Variants in INCA1 observed in about 807,000 individuals in gnomAD.
INCA1 encodes the protein protein INCA1.
Under a neutral mutation model 25.7 loss-of-function variants are expected in INCA1, and 28 were observed. The observed-to-expected ratio is 1.09, with a 90% CI of 0.81 to 1.49. INCA1 has a LOEUF of 1.49. Ranked by LOEUF, INCA1 falls within the 40% of genes most tolerant of loss-of-function variation. The pLI, the probability that INCA1 is intolerant of heterozygous loss-of-function variation, is 0.00. For synonymous variants in INCA1, 111 were observed against 103.6 expected (o/e 1.07, Z -0.43); for missense variants, 309 against 290.9 (o/e 1.06, Z -0.45).
At chr17:4,988,465 T>G (rs753989682) in exon 7 of INCA1, 1 of 1,613,988 alleles carries the variant, frequency 6.2e-7, no homozygotes, top group Admixed American at 1.7e-5. Flanking sequence ...TCCTTCTGGC[T>G]GTGACAGTGC....
At chr17:4,989,803 G>C in intron 4 of INCA1, 87 bp downstream of exon 4, 1 of 1,594,718 alleles carries the variant, frequency 6.3e-7, no homozygotes, top group Non-Finnish European at 8.6e-7. Context: ...ATAACAGAGG[G>C]AAGCGGTAAT....
rs371767450 is a variant in INCA1, at chr17:4,994,387, G to A, written c.44+7C>T. The A allele has an allele frequency of 9.3e-6, 15 of 1,613,446 alleles. No individual in the cohort carries two copies. Among genetic ancestry groups the A allele is most frequent in the Non-Finnish European group, 1.3e-5 (15 of 1,179,674 alleles). ...CCCCATGCTCCCCACCCAGTGGGAG[G>A]ACTCACTTGGCAAAGGGGATGAGGT... On this transcript the variant is annotated splice_region_variant and intron_variant, in intron 2 of 6. Transcript: ENST00000576820.
chr17:4,992,543 C>G (rs1329880952), intron 2 of INCA1, among the ~76,000 whole-genome samples: 2 of 152,170 alleles, frequency 1.3e-5, no homozygotes, highest in African/African-American at 4.8e-5. Flanking sequence ...CTTGGCCTCC[C>G]AAAGTGCTGT....
chr17:4,994,072 C>T (rs186931423), intron 2 of INCA1, among the ~76,000 whole-genome samples: 35 of 152,144 alleles, frequency 2.3e-4, no homozygotes, highest in Admixed American at 2.2e-3. Context: ...ACACCTGGCC[C>T]ACTGTTTTAT....
intron 2 of INCA1, among the ~76,000 whole-genome samples, chr17:4,992,349 TATAG>T (rs1973929483): frequency 6.6e-6 from 1 of 151,172 alleles, no homozygotes; most frequent in Non-Finnish European, 1.5e-5. Context: ...GTGACCCAAT[TATAG>T]CTCACTGCAG....
At chr17:4,992,803 G>A (rs1973963851) in intron 2 of INCA1, among the ~76,000 whole-genome samples, 1 of 147,612 alleles carries the variant, frequency 6.8e-6, no homozygotes, top group Admixed American at 6.8e-5. Context: ...TCAAACTCTT[G>A]GGCTCAAGCA....
Position 4,990,275 on chromosome 17 carries a change from G to A in INCA1, c.45-10C>T. 1 of 1,609,672 alleles carries A rather than the reference G, an allele frequency of 6.2e-7. No homozygotes were observed. The highest frequency in any genetic ancestry group is 8.5e-7 in the Non-Finnish European group (1 of 1,177,736). On this transcript the variant is annotated splice_polypyrimidine_tract_variant and intron_variant, in intron 2 of 6. Transcript: ENST00000576820. ...GACCACCCTGGAACACCTGAGGTGA[G>A]GACAAGGTAGGCTCGGGTCTGGCTC...
intron 1 of INCA1, among the ~76,000 whole-genome samples, 161 bp from the exon 2 acceptor site, chr17:4,994,636 A>G (rs9897114): frequency 0.39 from 59,017 of 151,792 alleles, 13,277 homozygotes; most frequent in Non-Finnish European, 0.53. Context: ...CTAAAAATAC[A>G]AACATTAGTC....
exon 2 of INCA1, chr17:4,994,454 G>A (rs1974092653): frequency 6.2e-7 from 1 of 1,613,098 alleles, no homozygotes; most frequent in Admixed American, 1.7e-5. Context: ...ACGGGGCTGG[G>A]TAGTTAGTCT....
At chr17:4,990,304 C>A (rs747753315) in intron 2 of INCA1, 39 bp from the exon 3 acceptor site, 4 of 1,583,684 alleles carry the variant, frequency 2.5e-6, no homozygotes, top group Non-Finnish European at 3.4e-6. Context: ...CTGGCTCTTC[C>A]CTTACAGCAG....
At chr17:4,990,298 C>A (rs1356666096) in intron 2 of INCA1, 33 bp from the exon 3 acceptor site, 2 of 1,592,308 alleles carry the variant, frequency 1.3e-6, no homozygotes, top group South Asian at 2.3e-5. Flanking sequence ...TCGGGTCTGG[C>A]TCTTCCCTTA....
At chr17:4,993,013 G>A (rs1254955942) in intron 2 of INCA1, among the ~76,000 whole-genome samples, 1 of 151,976 alleles carries the variant, frequency 6.6e-6, no homozygotes, top group East Asian at 1.9e-4. Context: ...CTGAGTAGCA[G>A]GGATTATAGG....
chr17:4,997,252 AGGGCACGACTG>A (rs1974356764), upstream of INCA1: 3 of 152,246 alleles, frequency 2.0e-5, no homozygotes, highest in African/African-American at 7.2e-5. Flanking sequence ...GCCCCGCCCG[AGGGCACGACTG>A]GGGGCTGCTT....
intron 2 of INCA1, among the ~76,000 whole-genome samples, chr17:4,991,286 G>T (rs1973858394): frequency 6.6e-6 from 1 of 152,120 alleles, no homozygotes; most frequent in South Asian, 2.1e-4. Flanking sequence ...TAGGCCGCAG[G>T]TTGGACAAGC....
chr17:4,993,810 C>T (rs1169077464), intron 2 of INCA1, among the ~76,000 whole-genome samples: 31 of 111,728 alleles, frequency 2.8e-4, no homozygotes, highest in Admixed American at 2.0e-3. Context: ...CTTGTTCTGT[C>T]GCCCAGGCTG....
chr17:4,989,503 C>G, exon 5 of INCA1: 1 of 1,614,240 alleles, frequency 6.2e-7, no homozygotes, highest in East Asian at 2.2e-5. Context: ...GGGGACTCCC[C>G]CAAGGCCCTG....
At position 4,988,939 on chromosome 17, in the gene INCA1, T is replaced by A. The variant is rs187711048; in HGVS notation, c.401A>T (p.Lys134Met). The change falls in exon 6 of 7, where the codon AAG (lysine) becomes ATG (methionine). Residue 134 changes from lysine to methionine, a missense_variant. By Grantham distance (95) the Lys-to-Met change is moderately conservative. Coordinates refer to ENST00000576820, the Ensembl canonical transcript of INCA1. ...CCCAGAGCTGCCCCACTGGGCCTTC[T>A]TCAGTCTGTGGAGACTTTAGGCTGA... is the stretch of plus-strand genomic sequence containing the variant. 24 of 1,613,652 alleles carry A rather than the reference T, an allele frequency of 1.5e-5. No individual in the cohort carries two copies. In the African/African-American group the frequency reaches 2.3e-4, roughly 15 times the overall value.
exon 3 of INCA1, chr17:4,990,233 G>T (rs1338996185): frequency 6.2e-7 from 1 of 1,613,950 alleles, no homozygotes; most frequent in Non-Finnish European, 8.5e-7. Flanking sequence ...AGGCAACCTT[G>T]GGGGTGGAGA....
intron 2 of INCA1, 120 bp from the exon 3 acceptor site, chr17:4,990,385 A>AT (rs1240688236): frequency 8.8e-7 from 1 of 1,141,492 alleles, no homozygotes; most frequent in African/African-American, 1.6e-5. Context: ...CCCTCGGGCC[A>AT]TGTCCTCTCT....
Sources: allele counts gnomAD v4.1 joint callset (sites outside exome capture counted in the v4.1 genomes callset), GRCh38; gene constraint gnomAD v4.1.1; transcripts MANE v1.5; gene names NCBI Gene and HGNC (gene_info 2026-07-23, HGNC 2026-07-21).